The following IGF1R variants were observed in gnomAD, a reference collection of about 807,000 sequenced individuals.
IGF1R encodes insulin like growth factor 1 receptor, also known as insulin-like growth factor 1 receptor.
In IGF1R, 44 loss-of-function variants were observed where a neutral mutation model predicts 144.6. The ratio of observed to expected loss-of-function variants is 0.30; its 90% CI spans 0.24 to 0.39. The LOEUF (loss-of-function observed/expected upper bound fraction) is 0.39. Ranked by LOEUF, IGF1R falls within the 10% of genes least tolerant of loss-of-function variation. The pLI is 1.00. For synonymous variants in IGF1R, 795 were observed against 722.8 expected (o/e 1.10, Z -1.60); for missense variants, 1,355 against 1,833.7 (o/e 0.74, Z 4.77).
chr15:98,785,052 G>C (rs2055958907), intron 2 of IGF1R, among the ~76,000 whole-genome samples: 1 of 152,166 alleles, frequency 6.6e-6, no homozygotes, highest in African/African-American at 2.4e-5. Flanking sequence ...TGTTTAGAAG[G>C]GAGCAAGCTG....
At chr15:98,836,371 G>A (rs2057102203) in intron 2 of IGF1R, among the ~76,000 whole-genome samples, 1 of 151,832 alleles carries the variant, frequency 6.6e-6, no homozygotes, top group South Asian at 2.1e-4. Context: ...AAGAAATTAA[G>A]TAGCCAGCAG....
At chr15:98,888,964 G>A (rs2013777379) in intron 2 of IGF1R, among the ~76,000 whole-genome samples, 1 of 152,154 alleles carries the variant, frequency 6.6e-6, no homozygotes, top group Admixed American at 6.6e-5. Context: ...CATTACTACT[G>A]CATTCCAGCC....
chr15:98,948,592 C>G lies in IGF1R; in HGVS notation c.3606C>G (p.Leu1202=). The part of the protein sequence containing the change: ...YSDVWSFGVV[L]WEIATLAEQP... The stretch of plus-strand genomic sequence containing the variant: ...CCTGTAGGTCCTTCGGGGTCGTCCT[C>G]TGGGAGATCGCCACACTGGCCGAGC... Residue 1202 remains leucine, a synonymous_variant, in exon 20 of 21, where the codon CTC becomes CTG. Coordinates refer to ENST00000650285, the MANE Select transcript of IGF1R (RefSeq NM_000875.5). 6.2e-7 allele frequency: 1 copy of G among 1,614,164 alleles called. No individual in the cohort carries two copies. Among genetic ancestry groups the G allele is most frequent in the Non-Finnish European group, 8.5e-7 (1 of 1,180,028 alleles).
At chr15:98,913,303 C>T (rs759749952) in intron 8 of IGF1R, 21 bp downstream of exon 8, 1 of 1,580,376 alleles carries the variant, frequency 6.3e-7, no homozygotes, top group East Asian at 2.2e-5. Flanking sequence ...CTAGACAAGC[C>T]CCCAGCATCC....
intron 2 of IGF1R, among the ~76,000 whole-genome samples, chr15:98,789,819 C>T (rs950304330): frequency 3.3e-5 from 5 of 151,910 alleles, no homozygotes; most frequent in Non-Finnish European, 5.9e-5. Flanking sequence ...GCTTTGGGGG[C>T]GAGTTATCTG....
rs930040730 is a variant in IGF1R at position 98,963,241 on chromosome 15, G to A, written c.*5799G>A. The A allele has an allele frequency of 5.9e-5, 12 of 205,028 alleles. No homozygotes were observed. 12.7% of individuals were successfully genotyped at this position (205,028 alleles called of 1,614,324 possible). ...TTTTTTTTTTTTTTTTAGGACACCTGTTTACTAGCTAGCTTTACAATATGC... is the reference window on the plus strand; with the variant it reads ...TTTTTTTTTTTTTTTTAGGACACCTATTTACTAGCTAGCTTTACAATATGC... On this transcript the variant is annotated 3_prime_UTR_variant, in exon 21 of 21. Transcript: ENST00000650285.
chr15:98,873,290 A>C (rs539907944), intron 2 of IGF1R, among the ~76,000 whole-genome samples: 1 of 152,138 alleles, frequency 6.6e-6, no homozygotes, highest in Non-Finnish European at 1.5e-5. Flanking sequence ...TTTTCAAAAA[A>C]ATCTCCAATA....
chr15:98,855,675 G>C (rs1050376866), intron 2 of IGF1R, among the ~76,000 whole-genome samples: 7 of 152,120 alleles, frequency 4.6e-5, no homozygotes, highest in African/African-American at 9.7e-5. Context: ...CTGTTGCTTT[G>C]TCAGTAGTGG....
chr15:98,656,855 T>C (rs967837333), intron 1 of IGF1R, among the ~76,000 whole-genome samples: 2 of 152,226 alleles, frequency 1.3e-5, no homozygotes, highest in African/African-American at 4.8e-5. Context: ...TGTTGCTGTT[T>C]TGTATACTTT....
At chr15:98,662,306 A>G (rs1273279855) in intron 1 of IGF1R, among the ~76,000 whole-genome samples, 1 of 152,018 alleles carries the variant, frequency 6.6e-6, no homozygotes, top group Non-Finnish European at 1.5e-5. Flanking sequence ...TTGCACATCT[A>G]CAGTGAAAGG....
chr15:98,832,612 C>T (rs548092054), intron 2 of IGF1R, among the ~76,000 whole-genome samples: 2 of 151,858 alleles, frequency 1.3e-5, no homozygotes, highest in South Asian at 4.2e-4. Flanking sequence ...ATCTTGATTG[C>T]CTTTCTTGAG....
At chr15:98,651,626 T>C (rs563176285) in intron 1 of IGF1R, among the ~76,000 whole-genome samples, 52 of 152,338 alleles carry the variant, frequency 3.4e-4, no homozygotes, top group African/African-American at 1.2e-3. Flanking sequence ...CATTTTAAAA[T>C]AGGCTGTTTT....
At chr15:98,868,789 G>C (rs931668463) in intron 2 of IGF1R, among the ~76,000 whole-genome samples, 1 of 152,180 alleles carries the variant, frequency 6.6e-6, no homozygotes, top group Admixed American at 6.5e-5. Flanking sequence ...CTTAGCACGG[G>C]TAGCAGTGAG....
At chr15:98,895,929 A>G (rs532966461) in intron 3 of IGF1R, among the ~76,000 whole-genome samples, 21 of 152,186 alleles carry the variant, frequency 1.4e-4, no homozygotes, top group African/African-American at 4.6e-4. Flanking sequence ...CTTGTTCTAT[A>G]TATAACTATA....
chr15:98,649,255 C>G lies in IGF1R; in HGVS notation c.-327C>G, dbSNP rs1374618621. 2 of 216,520 alleles carry G rather than the reference C, an allele frequency of 9.2e-6. No homozygotes were observed. Among genetic ancestry groups the G allele is most frequent in the Non-Finnish European group, 1.9e-5 (2 of 107,844 alleles). The allele number at this position is 216,520 out of a possible 1,614,324, so 13.4% of individuals were successfully genotyped here. ...TTTGCCCCCTTTCTTTGCAGTTTTC[C>G]CCCCTTCCTGCCTCTCCGGGTTTGA... On this transcript the variant is annotated 5_prime_UTR_variant, in exon 1 of 21. Transcript: ENST00000650285.
intron 2 of IGF1R, among the ~76,000 whole-genome samples, chr15:98,818,983 G>A (rs1159480089): frequency 1.3e-5 from 2 of 152,164 alleles, no homozygotes; most frequent in Non-Finnish European, 1.5e-5. Context: ...ACAGAACAGG[G>A]GGTGGAGGCT....
intron 2 of IGF1R, among the ~76,000 whole-genome samples, chr15:98,765,651 G>A (rs2055419016): frequency 1.3e-5 from 2 of 152,064 alleles, no homozygotes; most frequent in Non-Finnish European, 2.9e-5. Context: ...TTAGAAGTAT[G>A]TTGAGAATAC....
At chr15:98,778,155 C>T (rs558068236) in intron 2 of IGF1R, among the ~76,000 whole-genome samples, 9 of 152,178 alleles carry the variant, frequency 5.9e-5, no homozygotes, top group Non-Finnish European at 8.8e-5. Context: ...GACAGAACGG[C>T]GATGTATCCC....
At chr15:98,802,087 C>T (rs2056375585) in intron 2 of IGF1R, among the ~76,000 whole-genome samples, 1 of 152,050 alleles carries the variant, frequency 6.6e-6, no homozygotes, top group South Asian at 2.1e-4. Flanking sequence ...TTGAGTGCCA[C>T]ATCTGGGCTG....
Sources: gnomAD v4.1 joint callset for allele counts (sites outside exome capture counted in the v4.1 genomes callset) on GRCh38, gnomAD v4.1.1 for gene constraint, MANE v1.5 for transcripts, NCBI Gene and HGNC (gene_info 2026-07-23, HGNC 2026-07-21) for gene names.